The following RBFOX1 variants were observed in gnomAD, a reference collection of about 807,000 sequenced individuals.
RBFOX1 encodes the protein RNA binding fox-1 homolog 1, also known as RNA binding protein fox-1 homolog 1.
In RBFOX1, 8 loss-of-function variants were observed where a neutral mutation model predicts 57.7. That is an observed-to-expected ratio of 0.14 (90% CI 0.08 to 0.25). RBFOX1 has a LOEUF of 0.25. RBFOX1 is among the 10% of genes least tolerant of loss of function. The pLI is 1.00. For missense variants in RBFOX1, 611 were observed against 548.5 expected (o/e 1.11, Z -1.14); for synonymous variants, 326 against 222.4 (o/e 1.47, Z -4.15).
intron 1 of RBFOX1, among the ~76,000 whole-genome samples, chr16:5,410,025 G>A (rs143880550): frequency 0.012 from 1,854 of 149,562 alleles, 16 homozygotes; most frequent in Middle Eastern, 0.021. Flanking sequence ...TTCAGCCTGG[G>A]TGACAGAGCA....
chr16:5,250,139 AAAAG>A (rs1487462519), intron 1 of RBFOX1, among the ~76,000 whole-genome samples: 1 of 151,968 alleles, frequency 6.6e-6, no homozygotes, highest in African/African-American at 2.4e-5. Flanking sequence ...AACAAAAAAA[AAAAG>A]AAAAAAGAAT....
chr16:6,402,251 C>T (rs930293321), intron 2 of RBFOX1, among the ~76,000 whole-genome samples: 4 of 152,098 alleles, frequency 2.6e-5, no homozygotes, highest in African/African-American at 9.7e-5. Flanking sequence ...TCATCCCCAC[C>T]CACTGGTCTC....
intron 4 of RBFOX1, among the ~76,000 whole-genome samples, chr16:5,867,994 G>A (rs1408202690): frequency 1.3e-5 from 2 of 152,010 alleles, no homozygotes; most frequent in Admixed American, 6.5e-5. Flanking sequence ...TTATAGGTGT[G>A]AGCCACCATG....
At chr16:6,183,281 C>A (rs1450452478) in intron 1 of RBFOX1, among the ~76,000 whole-genome samples, 1 of 151,812 alleles carries the variant, frequency 6.6e-6, no homozygotes, top group Non-Finnish European at 1.5e-5. Flanking sequence ...GAGATCGAGA[C>A]CATCCTGGGT....
At chr16:5,240,804 T>TC (rs1361095003) in intron 1 of RBFOX1, among the ~76,000 whole-genome samples, 1 of 152,120 alleles carries the variant, frequency 6.6e-6, no homozygotes, top group African/African-American at 2.4e-5. Flanking sequence ...GGGATGGGGC[T>TC]CCGTGGCCAG....
intron 2 of RBFOX1, among the ~76,000 whole-genome samples, chr16:5,468,710 G>A (rs8054484): frequency 0.05 from 7,678 of 152,280 alleles, 540 homozygotes; most frequent in African/African-American, 0.15. Context: ...CCATAAAAAG[G>A]AAGGAAGCAG....
chr16:5,968,850 T>C (rs2059903968), intron 4 of RBFOX1, among the ~76,000 whole-genome samples: 1 of 152,264 alleles, frequency 6.6e-6, no homozygotes, highest in African/African-American at 2.4e-5. Flanking sequence ...ATTTTACCCA[T>C]CTTTAAAATG....
intron 3 of RBFOX1, among the ~76,000 whole-genome samples, chr16:5,820,213 C>T (rs1312463242): frequency 2.0e-5 from 3 of 152,232 alleles, no homozygotes; most frequent in Non-Finnish European, 4.4e-5. Context: ...GGTCCATACT[C>T]ACCCCATAGC....
chr16:5,297,378 A>C (rs1469237202), intron 1 of RBFOX1, among the ~76,000 whole-genome samples: 1 of 152,212 alleles, frequency 6.6e-6, no homozygotes, highest in African/African-American at 2.4e-5. Flanking sequence ...GTATGCAAGC[A>C]TTCTCTTGCA....
chr16:7,665,664 A>T (rs1202145184), intron 13 of RBFOX1, among the ~76,000 whole-genome samples: 1 of 152,216 alleles, frequency 6.6e-6, no homozygotes, highest in Non-Finnish European at 1.5e-5. Flanking sequence ...ATTCTCCGAC[A>T]TTATGATATG....
intron 14 of RBFOX1, among the ~76,000 whole-genome samples, chr16:7,702,971 C>T (rs570915132): frequency 3.9e-5 from 6 of 152,312 alleles, no homozygotes; most frequent in African/African-American, 1.4e-4. Flanking sequence ...CCCTTCTTAC[C>T]TGGTGCCCCA....
chr16:6,745,079 A>C (rs1458147600), intron 3 of RBFOX1, among the ~76,000 whole-genome samples: 1 of 152,112 alleles, frequency 6.6e-6, no homozygotes, highest in African/African-American at 2.4e-5. Context: ...ATTAAGATTT[A>C]AGGGTGAAAT....
chr16:6,896,205 G>C (rs369703685), intron 3 of RBFOX1, among the ~76,000 whole-genome samples: 1 of 152,246 alleles, frequency 6.6e-6, no homozygotes, highest in South Asian at 2.1e-4. Context: ...CCTGGCAGGC[G>C]AAGGTTGTAG....
At chr16:5,848,395 CAG>C (rs2056809893) in intron 3 of RBFOX1, among the ~76,000 whole-genome samples, 1 of 152,046 alleles carries the variant, frequency 6.6e-6, no homozygotes, top group South Asian at 2.1e-4. Flanking sequence ...CTGAGGTTAA[CAG>C]GGGTTCAGCA....
intron 3 of RBFOX1, among the ~76,000 whole-genome samples, chr16:6,920,369 C>G (rs1391088613): frequency 6.6e-6 from 1 of 152,158 alleles, no homozygotes; most frequent in Admixed American, 6.6e-5. Context: ...TACAATCTCT[C>G]TCTTCTGCAT....
At chr16:7,591,616 C>T (rs951962845) in intron 7 of RBFOX1, among the ~76,000 whole-genome samples, 3 of 152,126 alleles carry the variant, frequency 2.0e-5, no homozygotes, top group African/African-American at 7.2e-5. Flanking sequence ...AGGGCACAGG[C>T]CACCAATCTC....
chr16:7,036,421 T>C (rs979745975), intron 3 of RBFOX1, among the ~76,000 whole-genome samples: 1 of 151,974 alleles, frequency 6.6e-6, no homozygotes, highest in Non-Finnish European at 1.5e-5. Flanking sequence ...CAAGAAAGAA[T>C]TCAGGGCGGC....
chr16:5,542,238 G>T (rs1034740692), intron 2 of RBFOX1, among the ~76,000 whole-genome samples: 1 of 142,502 alleles, frequency 7.0e-6, no homozygotes, highest in Non-Finnish European at 1.5e-5. Context: ...AATAACACAG[G>T]TATTGATTTT....
At chr16:6,914,521 T>C (rs1379489250) in intron 3 of RBFOX1, among the ~76,000 whole-genome samples, 1 of 151,384 alleles carries the variant, frequency 6.6e-6, no homozygotes, top group Non-Finnish European at 1.5e-5. Context: ...TAAGTGAGAA[T>C]CTCTCTGGAC....
Sources: allele counts gnomAD v4.1 joint callset (sites outside exome capture counted in the v4.1 genomes callset), GRCh38; gene constraint gnomAD v4.1.1; transcripts MANE v1.5; gene names NCBI Gene and HGNC (gene_info 2026-07-23, HGNC 2026-07-21).